Variants in WDR59 observed in about 807,000 individuals in gnomAD.
The protein encoded by WDR59 is GATOR2 complex protein WDR59.
Under a neutral mutation model 131.2 loss-of-function variants are expected in WDR59, and 100 were observed. That is an observed-to-expected ratio of 0.76 (90% CI 0.65 to 0.90). WDR59 has a LOEUF of 0.90. Ranked by LOEUF, WDR59 falls within the 40% of genes least tolerant of loss-of-function variation. WDR59 has a pLI of 0.00. For synonymous variants in WDR59, 601 were observed against 466.2 expected (o/e 1.29, Z -3.72); for missense variants, 1,203 against 1,262.2 (o/e 0.95, Z 0.71).
intron 13 of WDR59, among the ~76,000 whole-genome samples, chr16:74,915,043 T>C (rs912228060): frequency 2.0e-5 from 3 of 152,226 alleles, no homozygotes. Flanking sequence ...AAAAAGTAAC[T>C]GTTCCACAGG....
chr16:74,909,869 G>C lies in WDR59; in HGVS notation c.1438C>G (p.Leu480Val). 2.5e-6 allele frequency: 4 copies of C among 1,613,060 alleles called. No individual in the cohort carries two copies. Among genetic ancestry groups the C allele is most frequent in the Non-Finnish European group, 3.4e-6 (4 of 1,179,990 alleles). Residue 480 changes from leucine to valine, a missense_variant, in exon 15 of 26, where the codon CTG (leucine) becomes GTG (valine). Leu to Val is a conservative substitution (Grantham distance 32). Transcript: ENST00000262144. ...LQKVKRGQSC[L>V]EPCLRQLVSC... Reference sequence around the variant, plus strand: ...ACGAGCTGGCGCAGGCAGGGCTCCAGGCAGCTCTGGCCACGCTTCACTTTC... The same window carrying C: ...ACGAGCTGGCGCAGGCAGGGCTCCACGCAGCTCTGGCCACGCTTCACTTTC...
Position 74,885,726 on chromosome 16 carries a change from A to G in WDR59, c.2616T>C (p.Arg872=), listed in dbSNP as rs1222048789. 2.5e-6 allele frequency: 4 copies of G among 1,614,122 alleles called. No individual in the cohort carries two copies. The highest frequency in any genetic ancestry group is 1.7e-5 in the Admixed American group (1 of 59,994). Residue 872 remains arginine (R), a synonymous_variant, in exon 25 of 26, where the codon CGT becomes CGC. Coordinates refer to ENST00000262144, the MANE Select transcript of WDR59 (RefSeq NM_030581.4). The part of the protein sequence containing the change: ...FKKCYGEILY[R]WGLREKRAEV... The stretch of plus-strand genomic sequence containing the variant: ...CAGCTCGCTTCTCTCTCAGACCCCA[A>G]CGGTAGAGGATTTCCCCATAGCATT...
At chr16:74,947,698 T>G (rs148215115) in intron 6 of WDR59, among the ~76,000 whole-genome samples, 1 of 152,352 alleles carries the variant, frequency 6.6e-6, no homozygotes, top group Non-Finnish European at 1.5e-5. Context: ...TATTTTTAAG[T>G]ATGATATTGG....
At chr16:74,933,433 C>A (rs922332315) in intron 8 of WDR59, among the ~76,000 whole-genome samples, 2 of 151,830 alleles carry the variant, frequency 1.3e-5, no homozygotes, top group African/African-American at 4.8e-5. Flanking sequence ...CACCAAAATA[C>A]TGTTACTTTT....
At chr16:74,887,633 C>T (rs947467511) in intron 23 of WDR59, 50 bp downstream of exon 23, 1 of 1,563,356 alleles carries the variant, frequency 6.4e-7, no homozygotes, top group Non-Finnish European at 8.8e-7. Flanking sequence ...ATATGCACAG[C>T]TCTGGGAGAA....
At chr16:74,945,628 T>C (rs564059385) in intron 6 of WDR59, among the ~76,000 whole-genome samples, 2 of 152,144 alleles carry the variant, frequency 1.3e-5, no homozygotes, top group East Asian at 1.9e-4. Flanking sequence ...AAGCAGGTGG[T>C]GGCGGGGGGC....
At chr16:74,971,356 AG>A (rs2033973683) in intron 1 of WDR59, among the ~76,000 whole-genome samples, 1 of 151,972 alleles carries the variant, frequency 6.6e-6, no homozygotes, top group African/African-American at 2.4e-5. Context: ...GAGAAAAAAA[AG>A]ATTTGTGTAC....
chr16:74,881,965 G>A (rs1413550568), intron 25 of WDR59, among the ~76,000 whole-genome samples: 1 of 151,326 alleles, frequency 6.6e-6, no homozygotes, highest in African/African-American at 2.4e-5. Context: ...ATCCTGCCCT[G>A]CTTTATAAAT....
chr16:74,884,170 A>C (rs1964646222), intron 25 of WDR59, among the ~76,000 whole-genome samples: 1 of 152,118 alleles, frequency 6.6e-6, no homozygotes, highest in African/African-American at 2.4e-5. Context: ...CCACCCTCAG[A>C]CCGGGCTGTC....
chr16:74,880,538 G>A (rs1055771002), intron 25 of WDR59, among the ~76,000 whole-genome samples: 2 of 152,156 alleles, frequency 1.3e-5, no homozygotes, highest in Non-Finnish European at 2.9e-5. Flanking sequence ...TGGACATGAA[G>A]CCCACAAGTC....
chr16:74,932,929 T>C (rs2031513749), intron 8 of WDR59, among the ~76,000 whole-genome samples: 1 of 152,242 alleles, frequency 6.6e-6, no homozygotes, highest in South Asian at 2.1e-4. Flanking sequence ...GTTTGCAAGA[T>C]AATACATGTG....
chr16:74,882,807 C>CAAAAAAAAAAAAAAAAAAAAAAAA (rs569507124), intron 25 of WDR59, among the ~76,000 whole-genome samples: 2 of 51,422 alleles, frequency 3.9e-5, no homozygotes, highest in South Asian at 1.3e-3. Flanking sequence ...AACACTGTCT[C>CAAAAAAAAAAAAAAAAAAAAAAAA]AAAAAAAAAA....
chr16:74,984,812 G>T, intron 1 of WDR59, 152 bp downstream of exon 1: 1 of 1,089,338 alleles, frequency 9.2e-7, no homozygotes, highest in Non-Finnish European at 1.3e-6. Context: ...TCCCTCCCCC[G>T]ACGGGGCCTA....
chr16:74,968,299 G>C (rs753969842), intron 1 of WDR59, among the ~76,000 whole-genome samples: 6 of 152,210 alleles, frequency 3.9e-5, no homozygotes, highest in South Asian at 2.1e-4. Flanking sequence ...GATTCAACAT[G>C]AAGATTCGCA....
chr16:74,964,207 C>T (rs901897041), intron 2 of WDR59, among the ~76,000 whole-genome samples: 1 of 151,792 alleles, frequency 6.6e-6, no homozygotes, highest in Non-Finnish European at 1.5e-5. Flanking sequence ...GGTGAAACCC[C>T]ATCTCTACTA....
At chr16:74,890,577 C>T (rs902218030) in intron 20 of WDR59, among the ~76,000 whole-genome samples, 13 of 152,184 alleles carry the variant, frequency 8.5e-5, no homozygotes, top group African/African-American at 3.1e-4. Context: ...TTGTTGCCTT[C>T]ATTATAAAAG....
Position 74,951,550 on chromosome 16 carries a change from A to G in WDR59, c.241-7T>C. 1 of 1,580,212 alleles carries G rather than the reference A, an allele frequency of 6.3e-7. No individual in the cohort carries two copies. Among genetic ancestry groups the G allele is most frequent in the Non-Finnish European group, 8.6e-7 (1 of 1,162,352 alleles). The stretch of plus-strand genomic sequence containing the variant: ...GGTCTACTCGTTGGTTACTCTGAAA[A>G]GAAAGGAAAGAAGGCCACAGGCAAG... On this transcript the variant is annotated splice_polypyrimidine_tract_variant and splice_region_variant and intron_variant, in intron 3 of 25. Coordinates refer to ENST00000262144, the MANE Select transcript of WDR59 (RefSeq NM_030581.4).
At chr16:74,886,804 T>G (rs1226184702) in intron 23 of WDR59, among the ~76,000 whole-genome samples, 2 of 152,032 alleles carry the variant, frequency 1.3e-5, no homozygotes, top group African/African-American at 4.8e-5. Flanking sequence ...GTGCCTGCAA[T>G]CCCAGCTACT....
intron 10 of WDR59, among the ~76,000 whole-genome samples, chr16:74,919,633 G>A (rs1265633651): frequency 1.3e-5 from 2 of 151,904 alleles, no homozygotes; most frequent in Admixed American, 6.6e-5. Context: ...GTGAGCCACC[G>A]CACCTGGCCT....
Sources: allele counts gnomAD v4.1 joint callset (sites outside exome capture counted in the v4.1 genomes callset), GRCh38; gene constraint gnomAD v4.1.1; transcripts MANE v1.5; gene names NCBI Gene and HGNC (gene_info 2026-07-23, HGNC 2026-07-21).